The following TNC variants were observed in gnomAD, a reference collection of about 807,000 sequenced individuals.
TNC encodes the protein tenascin.
In TNC, 109 loss-of-function variants were observed where a neutral mutation model predicts 202.4. That is an observed-to-expected ratio of 0.54 (90% CI 0.46 to 0.63). The LOEUF (loss-of-function observed/expected upper bound fraction) is 0.63, where lower values mean the gene tolerates loss of function less well. Ranked by LOEUF, TNC falls within the 30% of genes least tolerant of loss-of-function variation. TNC has a pLI of 0.00. For missense variants in TNC, 2,756 were observed against 2,833.3 expected (o/e 0.97, Z 0.62); for synonymous variants, 1,007 against 1,089.7 (o/e 0.92, Z 1.50).
rs1451466777 is a variant in TNC at position 115,046,654 on chromosome 9, C to T, written c.4881G>A (p.Leu1627=). 3 of 1,613,476 alleles carry T rather than the reference C, an allele frequency of 1.9e-6. No homozygotes were observed. The African/African-American group carries it at 4.0e-5, about 22-fold the overall frequency. ...TEAEPEVDNL[L]VSDATPDGFR... ...AACCGTCTGGGGTGGCATCTGAAAC[C>T]AGAAGGTTGTCAACTTCCGGTTCGG... Residue 1627 remains leucine, a synonymous_variant, in exon 17 of 28, where the codon CTG becomes CTA. Coordinates refer to ENST00000350763, the MANE Select transcript of TNC (RefSeq NM_002160.4).
chr9:115,095,448 A>ATATATATATG (rs1400168892), intron 1 of TNC, among the ~76,000 whole-genome samples: 3 of 101,732 alleles, frequency 2.9e-5, no homozygotes. Flanking sequence ...TGGTATGTGT[A>ATATATATATG]TATATATATG....
At chr9:115,088,791 G>A (rs182883113) in intron 2 of TNC, among the ~76,000 whole-genome samples, 8 of 151,936 alleles carry the variant, frequency 5.3e-5, no homozygotes, top group Middle Eastern at 3.4e-3. Flanking sequence ...GCATTGAAAC[G>A]TGGCTAGTCT....
At chr9:115,024,474 A>C (rs532641504) in intron 26 of TNC, among the ~76,000 whole-genome samples, 1 of 152,222 alleles carries the variant, frequency 6.6e-6, no homozygotes, top group African/African-American at 2.4e-5. Flanking sequence ...CAATGGAACC[A>C]GCACTTTGAT....
chr9:115,029,103 G>T (rs2131621435), intron 25 of TNC, among the ~76,000 whole-genome samples: 1 of 148,290 alleles, frequency 6.7e-6, no homozygotes, highest in East Asian at 2.0e-4. Flanking sequence ...TTTTTTTCTG[G>T]GCGTGTCCTT....
chr9:115,029,796 A>G (rs558410087), intron 24 of TNC, among the ~76,000 whole-genome samples: 3 of 152,254 alleles, frequency 2.0e-5, no homozygotes, highest in South Asian at 4.1e-4. Context: ...TGTTCACTTA[A>G]TTGTGCCATG....
In TNC at chr9:115,104,469, G is replaced by A. The variant is rs766337286; in HGVS notation, c.-136-13315C>T. Among the ~76,000 whole-genome samples, 113 of 152,162 alleles carry A rather than the reference G, an allele frequency of 7.4e-4. 1 individual carries two copies. Among genetic ancestry groups the A allele is most frequent in the Non-Finnish European group, 7.1e-4 (48 of 68,044 alleles). ...AAAAATTTTAAGAAGGCATTGTGAT[G>A]GGAGAGACAGGGGCATTGCCTTTAG... On this transcript the variant is annotated intron_variant, in intron 1 of 27. Transcript: ENST00000350763.
At chr9:115,076,252 T>C (rs1000503479) in intron 8 of TNC, 131 bp from the exon 9 acceptor site, 2 of 1,400,488 alleles carry the variant, frequency 1.4e-6, no homozygotes, top group Non-Finnish European at 2.0e-6. Context: ...AAGAACTCAC[T>C]GCAATCCAAT....
chr9:115,069,158 G>A (rs1185531295), intron 10 of TNC, among the ~76,000 whole-genome samples: 1 of 152,208 alleles, frequency 6.6e-6, no homozygotes, highest in East Asian at 1.9e-4. Flanking sequence ...AATAAGAGCA[G>A]AATGTTCTGT....
intron 4 of TNC, 49 bp from the exon 5 acceptor site, chr9:115,082,856 T>C (rs767337669): frequency 1.5e-6 from 2 of 1,341,596 alleles, no homozygotes; most frequent in Admixed American, 3.4e-5. Flanking sequence ...AGGTGTGTGA[T>C]TGGGCAACGC....
Position 115,027,272 on chromosome 9 carries a change from G to A in TNC, c.6170-577C>T, listed in dbSNP as rs1217390938. On this transcript the variant is annotated intron_variant, in intron 25 of 27. Coordinates refer to ENST00000350763, the MANE Select transcript of TNC (RefSeq NM_002160.4). ...TAGTGAAGATCCAAGGAGATAAGGT[G>A]GTGAAAGTACTTTTTAAACTCTAAA... Among the ~76,000 whole-genome samples the A allele has an allele frequency of 2.6e-5, 4 of 152,230 alleles. 1 individual carries two copies. Among genetic ancestry groups the A allele is most frequent in the African/African-American group, 9.6e-5 (4 of 41,526 alleles).
At chr9:115,094,587 C>G (rs142428842) in intron 1 of TNC, among the ~76,000 whole-genome samples, 8 of 152,246 alleles carry the variant, frequency 5.3e-5, no homozygotes, top group African/African-American at 1.4e-4. Context: ...GAATGAGCAA[C>G]TTATTCTACA....
At chr9:115,082,574 A>C (rs1834383825) in intron 5 of TNC, 118 bp downstream of exon 5, 1 of 665,508 alleles carries the variant, frequency 1.5e-6, no homozygotes, top group African/African-American at 1.8e-5. Flanking sequence ...GATGCTAATG[A>C]GAGCCTTGTC....
Position 115,086,151 on chromosome 9 carries a change from C to T in TNC, c.1580G>A (p.Cys527Tyr), listed in dbSNP as rs746843738. Residue 527 changes from cysteine (C) to tyrosine (Y), a missense_variant, in exon 3 of 28, where the codon TGT becomes TAT. Around this residue, in one of 2 missense-constraint regions of TNC, gnomAD observed 2,559 missense variants for 2,546.0 expected, o/e 1.01. Coordinates refer to ENST00000350763, the MANE Select transcript of TNC (RefSeq NM_002160.4). ...VCEDGFTGPD[C>Y]AELSCPNDCH... ...GTCATTTGGACAGGAGAGTTCTGCACAGTCAGGGCCGGTGAAGCCGTCCTC... is the reference window on the plus strand; with the variant it reads ...GTCATTTGGACAGGAGAGTTCTGCATAGTCAGGGCCGGTGAAGCCGTCCTC... The T allele has an allele frequency of 2.5e-6, 4 of 1,614,108 alleles. No individual in the cohort carries two copies. Among genetic ancestry groups the T allele is most frequent in the East Asian group, 4.5e-5 (2 of 44,890 alleles).
At position 115,021,078 on chromosome 9, in the gene TNC, G is replaced by A; in HGVS notation, c.*79C>T. ...TGCCCAGGTGTGGACCGATGGTTGGGCTGGTTGTATTGATGCTTTGGTAAA... is the reference window on the plus strand; with the variant it reads ...TGCCCAGGTGTGGACCGATGGTTGGACTGGTTGTATTGATGCTTTGGTAAA... On this transcript the variant is annotated 3_prime_UTR_variant, in exon 28 of 28. Coordinates refer to ENST00000350763, the MANE Select transcript of TNC (RefSeq NM_002160.4). 1 of 1,217,164 alleles carries A rather than the reference G, an allele frequency of 8.2e-7. No homozygotes were observed. The highest frequency in any genetic ancestry group is 1.3e-5 in the South Asian group (1 of 76,324). The allele number at this position is 1,217,164 out of a possible 1,614,324, so 75.4% of individuals were successfully genotyped here.
intron 1 of TNC, among the ~76,000 whole-genome samples, chr9:115,103,770 G>A (rs2134105749): frequency 6.6e-6 from 1 of 152,308 alleles, no homozygotes; most frequent in South Asian, 2.1e-4. Flanking sequence ...TCCAAATAGT[G>A]TTTCTTTCCA....
intron 1 of TNC, among the ~76,000 whole-genome samples, chr9:115,095,861 T>C (rs1835753188): frequency 1.3e-5 from 2 of 151,650 alleles, no homozygotes; most frequent in Non-Finnish European, 2.9e-5. Context: ...TGTATATCTT[T>C]GATGGTGATA....
chr9:115,021,040 G>A lies in TNC; in HGVS notation c.*117C>T. On this transcript the variant is annotated 3_prime_UTR_variant, in exon 28 of 28. Coordinates refer to ENST00000350763, the MANE Select transcript of TNC (RefSeq NM_002160.4). ...GCCCCAGGGATCCATGGTCAGCTTT[G>A]ACTCTCACCAAATGCCCAGGTGTGG... 2 of 782,006 alleles carry A rather than the reference G, an allele frequency of 2.6e-6. No homozygotes were observed. The highest frequency in any genetic ancestry group is 4.1e-6 in the Non-Finnish European group (2 of 483,732). The allele number at this position is 782,006 out of a possible 1,614,324, so 48.4% of individuals were successfully genotyped here. A position where few individuals can be genotyped will look rare whatever the true frequency, so the allele number is the denominator to read the frequency against.
Position 115,030,371 on chromosome 9 carries a change from G to A in TNC, c.5955C>T (p.Ser1985=), listed in dbSNP as rs1433426494. ...GLLYPFPKDC[S]QAMLNGDTTS... ...TCGTGTCTCCATTCAGCATTGCTTG[G>A]GAGCAGTCCTTGGGGAAGGGGTACA... The change falls in exon 24 of 28, where the codon TCC becomes TCT. Residue 1985 remains serine, a synonymous_variant. Coordinates refer to ENST00000350763, the MANE Select transcript of TNC (RefSeq NM_002160.4). 1 of 1,613,956 alleles carries A rather than the reference G, an allele frequency of 6.2e-7. No homozygotes were observed. The highest frequency in any genetic ancestry group is 1.1e-5 in the South Asian group (1 of 91,042).
At chr9:115,099,881 G>A (rs1037561683) in intron 1 of TNC, among the ~76,000 whole-genome samples, 1 of 152,170 alleles carries the variant, frequency 6.6e-6, no homozygotes, top group Admixed American at 6.5e-5. Context: ...ATAAATCTTA[G>A]TATTTCAATT....
Sources: allele counts gnomAD v4.1 joint callset (sites outside exome capture counted in the v4.1 genomes callset), GRCh38; gene constraint gnomAD v4.1.1; regional missense constraint gnomAD v4.1.1; transcripts MANE v1.5; gene names NCBI Gene and HGNC (gene_info 2026-07-23, HGNC 2026-07-21).